DGKB: variants seen among roughly 807,000 people sequenced by gnomAD.
The protein encoded by DGKB is diacylglycerol kinase beta.
In DGKB, 67 loss-of-function variants were observed where a neutral mutation model predicts 114.3. The observed-to-expected ratio is 0.59, with a 90% CI of 0.48 to 0.72. The LOEUF is 0.72. Among genes scored for constraint, DGKB ranks in the 30% least tolerant of loss-of-function variants. The probability of loss-of-function intolerance (pLI) is 0.00; values close to 1 mark genes in which losing one functional copy is unlikely to be tolerated. For missense variants in DGKB, 907 were observed against 975.2 expected, an observed-to-expected ratio of 0.93 and a Z score of 0.93; for synonymous variants, 398 against 323.1, an observed-to-expected ratio of 1.23 and a Z score of -2.49.
intron 13 of DGKB, among the ~76,000 whole-genome samples, chr7:14,645,114 C>T (rs528971931): frequency 1.3e-5 from 2 of 152,052 alleles, no homozygotes; most frequent in East Asian, 1.9e-4. Context: ...TTTTTCAAGA[C>T]CAACCATGGA....
intron 25 of DGKB, among the ~76,000 whole-genome samples, chr7:14,161,348 A>G (rs1040940218): frequency 2.0e-5 from 3 of 152,196 alleles, no homozygotes; most frequent in Non-Finnish European, 4.4e-5. Context: ...ATTCTACTAT[A>G]AAGACAGATG....
chr7:14,807,369 T>C (rs934508538), intron 2 of DGKB, among the ~76,000 whole-genome samples: 2 of 152,014 alleles, frequency 1.3e-5, no homozygotes, highest in African/African-American at 4.8e-5. Context: ...AATGAATAAA[T>C]ACACAAATTT....
At position 14,631,263 on chromosome 7, in the gene DGKB, C is replaced by CAA. The variant is rs35088925; in HGVS notation, c.1135-997_1135-996dup. On this transcript the variant is annotated intron_variant, in intron 13 of 25. Transcript: ENST00000402815. ...AGAACTTTAGAAAGGCAGCAAGAAC[C>CAA]AAAAAAAAAAAAAAAAAAAGAAAAA... Among the ~76,000 whole-genome samples the CAA allele has an allele frequency of 3.8e-3, 375 of 98,366 alleles. 3 individuals carry two copies. Among genetic ancestry groups the CAA allele is most frequent in the African/African-American group, 0.013 (341 of 25,408 alleles). The allele number at this position is 98,366 out of a possible 152,430, so 64.5% of individuals were successfully genotyped here.
At chr7:14,333,262 T>A (rs1810042550) in intron 23 of DGKB, among the ~76,000 whole-genome samples, 1 of 151,788 alleles carries the variant, frequency 6.6e-6, no homozygotes, top group Admixed American at 6.6e-5. Context: ...ATAGAGACCA[T>A]CCTGGCTAAC....
chr7:14,696,501 CAAAAAAAAAAAAAAAAAAAAAA>C (rs35486620), intron 8 of DGKB, among the ~76,000 whole-genome samples: 1 of 45,060 alleles, frequency 2.2e-5, no homozygotes, highest in African/African-American at 6.1e-5. Flanking sequence ...GACTCCGTCT[CAAAAAAAAAAAAAAAAAAAAAA>C]AAAAAAAAAA....
chr7:14,319,689 A>G (rs1807361103), intron 23 of DGKB, among the ~76,000 whole-genome samples: 1 of 152,202 alleles, frequency 6.6e-6, no homozygotes, highest in Admixed American at 6.6e-5. Flanking sequence ...TAGATCTTAT[A>G]AGATAATGAC....
At chr7:14,167,647 G>A (rs1350376098) in intron 25 of DGKB, among the ~76,000 whole-genome samples, 1 of 152,008 alleles carries the variant, frequency 6.6e-6, no homozygotes, top group African/African-American at 2.4e-5. Context: ...TGCATTTGGG[G>A]GTATATCATC....
At chr7:14,645,090 A>C (rs191248465) in intron 13 of DGKB, among the ~76,000 whole-genome samples, 79 of 152,222 alleles carry the variant, frequency 5.2e-4, no homozygotes, top group Non-Finnish European at 1.9e-4. Flanking sequence ...CCTTTTAACT[A>C]ATCAAATGAT....
intron 23 of DGKB, among the ~76,000 whole-genome samples, chr7:14,185,089 C>G (rs1010563387): frequency 6.6e-6 from 1 of 152,126 alleles, no homozygotes; most frequent in African/African-American, 2.4e-5. Flanking sequence ...AAAACTGTCA[C>G]TGTTTGCTGA....
intron 23 of DGKB, among the ~76,000 whole-genome samples, chr7:14,227,063 T>C (rs1455532569): frequency 6.6e-6 from 1 of 151,988 alleles, no homozygotes; most frequent in Non-Finnish European, 1.5e-5. Flanking sequence ...GTCTGTTTGT[T>C]TTAAGAGAAA....
At chr7:14,295,236 A>T (rs528938944) in intron 23 of DGKB, among the ~76,000 whole-genome samples, 1 of 152,204 alleles carries the variant, frequency 6.6e-6, no homozygotes, top group Non-Finnish European at 1.5e-5. Context: ...AAAATGGCCT[A>T]TTTGGTAACA....
At chr7:14,584,248 ATC>A (rs1283358388) in intron 17 of DGKB, among the ~76,000 whole-genome samples, 15 of 152,150 alleles carry the variant, frequency 9.9e-5, no homozygotes, top group Non-Finnish European at 1.9e-4. Context: ...AAAATGAATG[ATC>A]TCTTTTTATG....
chr7:14,274,200 T>C (rs1269689588), intron 23 of DGKB, among the ~76,000 whole-genome samples: 4 of 152,208 alleles, frequency 2.6e-5, no homozygotes, highest in African/African-American at 9.7e-5. Context: ...GACAGCCCCA[T>C]GATCCACATG....
intron 2 of DGKB, among the ~76,000 whole-genome samples, chr7:14,789,850 T>G (rs1439954769): frequency 6.6e-6 from 1 of 152,206 alleles, no homozygotes; most frequent in African/African-American, 2.4e-5. Flanking sequence ...TGTTTAGTTT[T>G]TTAAGAAATG....
At chr7:14,464,071 A>G (rs1041372075) in intron 21 of DGKB, among the ~76,000 whole-genome samples, 1 of 151,990 alleles carries the variant, frequency 6.6e-6, no homozygotes, top group East Asian at 1.9e-4. Flanking sequence ...ATCTAGAAAA[A>G]GCAATAGAAT....
intron 2 of DGKB, among the ~76,000 whole-genome samples, chr7:14,827,893 A>C (rs1221406081): frequency 6.8e-6 from 1 of 147,114 alleles, no homozygotes; most frequent in East Asian, 2.1e-4. Context: ...TTGAACAAGC[A>C]GTAGATAGAC....
At chr7:14,954,084 G>A (rs1562900737) in intron 1 of DGKB, among the ~76,000 whole-genome samples, 1 of 152,094 alleles carries the variant, frequency 6.6e-6, no homozygotes, top group African/African-American at 2.4e-5. Flanking sequence ...AGGCTTTCTT[G>A]AAGATGTTTT....
intron 14 of DGKB, among the ~76,000 whole-genome samples, chr7:14,624,066 CCT>C (rs993345125): frequency 3.3e-5 from 5 of 152,132 alleles, no homozygotes; most frequent in African/African-American, 1.2e-4. Flanking sequence ...GTTGTGGTTG[CCT>C]TTTTGGGTAC....
At chr7:14,432,089 T>C (rs907055374) in intron 21 of DGKB, among the ~76,000 whole-genome samples, 8 of 152,170 alleles carry the variant, frequency 5.3e-5, no homozygotes, top group Non-Finnish European at 1.2e-4. Context: ...TTTCTGTTGA[T>C]AAAATAGACT....
Sources: gnomAD v4.1 joint callset for allele counts (sites outside exome capture counted in the v4.1 genomes callset) on GRCh38, gnomAD v4.1.1 for gene constraint, MANE v1.5 for transcripts, NCBI Gene and HGNC (gene_info 2026-07-23, HGNC 2026-07-21) for gene names.